The following MIER3 variants were observed in gnomAD, a reference collection of about 807,000 sequenced individuals.
The protein encoded by MIER3 is mesoderm induction early response protein 3.
A neutral mutation model predicts 63.2 loss-of-function variants in MIER3; 9 were observed. The observed-to-expected ratio is 0.14, with a 90% CI of 0.09 to 0.25. The LOEUF (loss-of-function observed/expected upper bound fraction) is 0.25, where lower values mean the gene tolerates loss of function less well. Ranked by LOEUF, MIER3 falls within the 10% of genes least tolerant of loss-of-function variation. The probability of loss-of-function intolerance (pLI) is 1.00; values close to 1 mark genes in which losing one functional copy is unlikely to be tolerated. For synonymous variants in MIER3, 205 were observed against 224.9 expected (o/e 0.91, Z 0.79); for missense variants, 512 against 666.2 (o/e 0.77, Z 2.55).
At position 56,929,874 on chromosome 5, in the gene MIER3, C is replaced by G. The variant is rs1273224328; in HGVS notation, c.829+790G>C. ...TCTCATTTGACATGGGAGACCAGGT[C>G]CCCAAAGCCATTAATAGCAGTCCGT... On this transcript the variant is annotated intron_variant, in intron 9 of 12. Coordinates refer to ENST00000381199, the MANE Select transcript of MIER3 (RefSeq NM_001297599.2). 2.0e-5 allele frequency among the ~76,000 whole-genome samples: 3 copies of G among 152,052 alleles called. No individual in the cohort carries two copies. The South Asian group carries it at 6.2e-4, about 32-fold the overall frequency.
intron 8 of MIER3, 78 bp from the exon 9 acceptor site, chr5:56,930,823 T>C: frequency 8.7e-7 from 1 of 1,154,936 alleles, no homozygotes; most frequent in Non-Finnish European, 1.3e-6. Context: ...AGAGTTTTGA[T>C]AAATATTGGA....
chr5:56,942,751 A>G (rs1270583548), intron 3 of MIER3, among the ~76,000 whole-genome samples: 1 of 152,242 alleles, frequency 6.6e-6, no homozygotes, highest in Non-Finnish European at 1.5e-5. Flanking sequence ...ATTAAGGCAG[A>G]AACAAGTATG....
In MIER3 at chr5:56,939,035, T is replaced by C; in HGVS notation, c.181-18A>G. The C allele has an allele frequency of 6.2e-7, 1 of 1,613,184 alleles. No individual in the cohort carries two copies. The highest frequency in any genetic ancestry group is 8.5e-7 in the Non-Finnish European group (1 of 1,179,362). ...GTTCCTTCCTGTTCAAGCCAGGGCATAAACACGGACTCAGCAGATGTCACA... is the reference window on the plus strand; with the variant it reads ...GTTCCTTCCTGTTCAAGCCAGGGCACAAACACGGACTCAGCAGATGTCACA... On this transcript the variant is annotated intron_variant, in intron 3 of 12. Transcript: ENST00000381199.
At chr5:56,937,820 TCTC>T (rs1423072445) in intron 4 of MIER3, 122 bp from the exon 5 acceptor site, 3 of 598,612 alleles carry the variant, frequency 5.0e-6, no homozygotes, top group African/African-American at 3.9e-5. Context: ...AATATGAAAT[TCTC>T]CTATGATTTA....
chr5:56,919,779 T>A lies in MIER3; in HGVS notation c.*3349A>T, dbSNP rs1459259295. ...TTCTGATTGTCACTAATTTATCTCA[T>A]ACTCACAGGGTACTTATTTCAAACT... On this transcript the variant is annotated 3_prime_UTR_variant, in exon 13 of 13. Coordinates refer to ENST00000381199, the MANE Select transcript of MIER3 (RefSeq NM_001297599.2). The A allele has an allele frequency of 6.6e-6, 1 of 152,638 alleles. No individual in the cohort carries two copies. Among genetic ancestry groups the A allele is most frequent in the Non-Finnish European group, 1.5e-5 (1 of 68,022 alleles). The allele number at this position is 152,638 out of a possible 1,614,324, so 9.5% of individuals were successfully genotyped here.
At chr5:56,943,335 TAA>T (rs71965607) in intron 3 of MIER3, among the ~76,000 whole-genome samples, 1 of 146,236 alleles carries the variant, frequency 6.8e-6, no homozygotes, top group African/African-American at 2.5e-5. Context: ...TGTGGAAATT[TAA>T]AAAAAAAAAA....
At chr5:56,941,368 T>C (rs1314381781) in intron 3 of MIER3, 1 of 154,768 alleles carries the variant, frequency 6.5e-6, no homozygotes, top group Non-Finnish European at 1.4e-5. Context: ...GGCTGCCAAG[T>C]TTGATGAGTG....
At chr5:56,929,420 C>G (rs977717514) in intron 9 of MIER3, 1 of 152,168 alleles carries the variant, frequency 6.6e-6, no homozygotes, top group African/African-American at 2.4e-5. Flanking sequence ...AACAAACTAG[C>G]CAGGCGTGGT....
At chr5:56,936,801 C>G (rs1159436780) in intron 5 of MIER3, 1 of 151,984 alleles carries the variant, frequency 6.6e-6, no homozygotes, top group Non-Finnish European at 1.5e-5. Context: ...ACCACACAAC[C>G]AACCCCAAAA....
chr5:56,929,942 T>C (rs189695), intron 9 of MIER3, among the ~76,000 whole-genome samples: 105,647 of 152,070 alleles, frequency 0.69, 37,159 homozygotes, highest in Non-Finnish European at 0.75. Context: ...GAAACCAGTA[T>C]TTTGAGAGTT....
Position 56,923,716 on chromosome 5 carries a change from G to A in MIER3, c.1170C>T (p.Asn390=). The A allele has an allele frequency of 1.9e-6, 3 of 1,614,244 alleles. No homozygotes were observed. The highest frequency in any genetic ancestry group is 4.5e-5 in the East Asian group (2 of 44,892). ...CTGTCAAGTCACTGGCAGTGAAGGAGTTGAGAATGTTTAGCTGTTGATCAG... is the reference window on the plus strand; with the variant it reads ...CTGTCAAGTCACTGGCAGTGAAGGAATTGAGAATGTTTAGCTGTTGATCAG... The part of the protein sequence containing the change: ...PIPDQQLNIL[N]SFTASDLTAL... Residue 390 remains asparagine (N), a synonymous_variant, in exon 12 of 13, where the codon AAC becomes AAT. Coordinates refer to ENST00000381199, the MANE Select transcript of MIER3 (RefSeq NM_001297599.2).
chr5:56,935,372 T>G (rs2112113011), intron 7 of MIER3, 56 bp downstream of exon 7: 4 of 1,313,602 alleles, frequency 3.0e-6, no homozygotes, highest in Non-Finnish European at 4.2e-6. Flanking sequence ...TTAAATACAC[T>G]TATCAAGTGG....
chr5:56,951,253 C>A (rs1751015237), intron 1 of MIER3, among the ~76,000 whole-genome samples: 1 of 152,124 alleles, frequency 6.6e-6, no homozygotes, highest in African/African-American at 2.4e-5. Context: ...ATGCTGGCTC[C>A]TTCCAGAGTG....
intron 9 of MIER3, among the ~76,000 whole-genome samples, chr5:56,930,395 A>AATTAATTAATT (rs1750218428): frequency 1.3e-5 from 2 of 151,502 alleles, no homozygotes; most frequent in Non-Finnish European, 2.9e-5. Flanking sequence ...ATTACTTTGG[A>AATTAATTAATT]CATATTGTCA....
intron 5 of MIER3, 36 bp downstream of exon 5, chr5:56,937,542 T>C (rs754638860): frequency 1.3e-6 from 2 of 1,579,404 alleles, no homozygotes; most frequent in Non-Finnish European, 1.7e-6. Flanking sequence ...ACAGTATCAA[T>C]GTTACTATTT....
rs1189311161 is a variant in MIER3 at position 56,937,633 on chromosome 5, C to G, written c.381G>C (p.Leu127=). The G allele has an allele frequency of 6.2e-7, 1 of 1,612,268 alleles. No homozygotes were observed. Among genetic ancestry groups the G allele is most frequent in the Admixed American group, 1.7e-5 (1 of 59,752 alleles). The part of the protein sequence containing the change: ...DEETQSSADD[L]TPSVTSHETS... ...TTTCATGGGAAGTCACAGATGGCGT[C>G]AGATCATCCGCAGAAGACTGAGTTT... Residue 127 remains leucine, a synonymous_variant, in exon 5 of 13, where the codon CTG becomes CTC. Transcript: ENST00000381199.
At chr5:56,952,140 A>G, upstream of MIER3, 1 of 1,221,754 alleles carries the variant, frequency 8.2e-7, no homozygotes, top group Non-Finnish European at 1.0e-6. Context: ...CGCCGAGCCC[A>G]GTCCCCGGAT....
intron 10 of MIER3, 127 bp from the exon 11 acceptor site, chr5:56,924,169 T>G: frequency 1.2e-5 from 10 of 867,988 alleles, no homozygotes; most frequent in Non-Finnish European, 1.7e-5. Flanking sequence ...TTCTGAACAC[T>G]TTTAATAAAT....
Position 56,922,422 on chromosome 5 carries a change from T to C in MIER3, c.*706A>G, listed in dbSNP as rs1021026796. The C allele has an allele frequency of 6.6e-6, 1 of 152,596 alleles. No homozygotes were observed. Among genetic ancestry groups the C allele is most frequent in the African/African-American group, 2.4e-5 (1 of 41,440 alleles). 9.5% of individuals were successfully genotyped at this position (152,596 alleles called of 1,614,324 possible). A position where few individuals can be genotyped will look rare whatever the true frequency, so the allele number is the denominator to read the frequency against. On this transcript the variant is annotated 3_prime_UTR_variant, in exon 13 of 13. Transcript: ENST00000381199. ...CCAATTCTGTGTAAGGTAGCCCTGG[T>C]CTAGAATTTTGAAACAGGATCCAAG...
Sources: allele counts gnomAD v4.1 joint callset (sites outside exome capture counted in the v4.1 genomes callset), GRCh38; gene constraint gnomAD v4.1.1; transcripts MANE v1.5; gene names NCBI Gene and HGNC (gene_info 2026-07-23, HGNC 2026-07-21).